The following C16orf89 variants were observed in gnomAD, a reference collection of about 807,000 sequenced individuals.
C16orf89 encodes UPF0764 protein C16orf89.
A neutral mutation model predicts 41.5 loss-of-function variants in C16orf89; 57 were observed. That is an observed-to-expected ratio of 1.38 (90% confidence interval 1.11 to 1.71). The LOEUF is 1.71. Ranked by LOEUF, C16orf89 falls within the 40% of genes most tolerant of loss-of-function variation. The pLI is 0.00. For missense variants in C16orf89, 575 were observed against 445.9 expected, an observed-to-expected ratio of 1.29 and a Z score of -2.61; for synonymous variants, 223 against 190.6, an observed-to-expected ratio of 1.17 and a Z score of -1.40.
chr16:5,045,559 A>T (rs1176741518), intron 7 of C16orf89, among the ~76,000 whole-genome samples: 1 of 151,952 alleles, frequency 6.6e-6, no homozygotes, highest in East Asian at 1.9e-4. Flanking sequence ...AGGGAGGGAG[A>T]ATGCAGATTT....
chr16:5,055,604 G>A, intron 5 of C16orf89: 1 of 1,373,080 alleles, frequency 7.3e-7, no homozygotes, highest in Non-Finnish European at 9.9e-7. Context: ...GGAGGAGTTT[G>A]GACACCCCAG....
downstream of C16orf89, chr16:5,043,524 G>C (rs1017529433): frequency 6.6e-6 from 1 of 152,178 alleles, no homozygotes; most frequent in Non-Finnish European, 1.5e-5. Context: ...TGACATGATG[G>C]CCATGTGATG....
chr16:5,062,340 C>A, intron 2 of C16orf89, 85 bp downstream of exon 2: 3 of 1,461,232 alleles, frequency 2.1e-6, no homozygotes, highest in East Asian at 4.7e-5. Context: ...CAGCCTTGCC[C>A]CAGGAGAGCC....
chr16:5,055,119 A>C lies in C16orf89; in HGVS notation c.868+127T>G, dbSNP rs185764195. ...TGTGTGTACACGTCTGTGTGTGTGC[A>C]CCTGTAGGTTACAAATCCCTTGGCA... is the stretch of plus-strand genomic sequence containing the variant. On this transcript the variant is annotated intron_variant, in intron 6 of 7. Transcript: ENST00000472572. The C allele has an allele frequency of 1.8e-5, 14 of 793,650 alleles. No homozygotes were observed. The Admixed American group carries it at 3.6e-4, about 21-fold the overall frequency. The allele number at this position is 793,650 out of a possible 1,614,324, so 49.2% of individuals were successfully genotyped here.
chr16:5,055,676 C>G, intron 5 of C16orf89: 2 of 1,534,140 alleles, frequency 1.3e-6, no homozygotes, highest in Non-Finnish European at 1.7e-6. Context: ...GTGGGTCTGT[C>G]TGCCAGTCAC....
intron 5 of C16orf89, chr16:5,055,645 C>G (rs1956482850): frequency 2.7e-6 from 4 of 1,503,244 alleles, no homozygotes; most frequent in Non-Finnish European, 3.6e-6. Flanking sequence ...CGCTCCCTGT[C>G]TGCCTCATCC....
intron 6 of C16orf89, among the ~76,000 whole-genome samples, chr16:5,053,883 C>G (rs1200237142): frequency 1.3e-5 from 2 of 152,162 alleles, no homozygotes; most frequent in Admixed American, 6.5e-5. Context: ...ATGTTCCCAA[C>G]ACAAAGAAAT....
chr16:5,062,530 G>C lies in C16orf89; in HGVS notation c.253C>G (p.Leu85Val). The C allele has an allele frequency of 1.2e-6, 2 of 1,613,828 alleles. No homozygotes were observed. The highest frequency in any genetic ancestry group is 1.7e-6 in the Non-Finnish European group (2 of 1,179,810). Residue 85 changes from leucine (L) to valine (V), a missense_variant, in exon 2 of 8, where the codon CTG (leucine) becomes GTG (valine). Leu to Val is a conservative substitution (Grantham distance 32). Transcript: ENST00000472572. Reference sequence around the variant, plus strand: ...CCCACGCGCAGGCTCAGCGGCTGCAGCAGGGGCTCCTGGGCCCACTTCTCC... The same window carrying C: ...CCCACGCGCAGGCTCAGCGGCTGCACCAGGGGCTCCTGGGCCCACTTCTCC... ...VREKWAQEPL[L>V]QPLSLRVGML...
intron 6 of C16orf89, among the ~76,000 whole-genome samples, chr16:5,053,380 GA>G (rs1956432866): frequency 6.6e-6 from 1 of 151,706 alleles, no homozygotes; most frequent in Admixed American, 6.6e-5. Context: ...TAAAAAAAAA[GA>G]AGTGGAGTGT....
intron 6 of C16orf89, among the ~76,000 whole-genome samples, chr16:5,050,029 A>G (rs1289393804): frequency 6.6e-6 from 1 of 152,218 alleles, no homozygotes; most frequent in African/African-American, 2.4e-5. Context: ...TACCACTGAA[A>G]TACAAAGGAT....
chr16:5,043,691 A>T (rs1054007478), downstream of C16orf89: 4 of 152,224 alleles, frequency 2.6e-5, no homozygotes, highest in African/African-American at 9.7e-5. Flanking sequence ...TGGTACCTGA[A>T]CAAATAGCCT....
At chr16:5,047,816 C>T in intron 7 of C16orf89, 62 bp downstream of exon 7, 1 of 936,336 alleles carries the variant, frequency 1.1e-6, no homozygotes, top group South Asian at 1.3e-5. Flanking sequence ...TAAACACAGG[C>T]CTCTGTTTTG....
At position 5,058,612 on chromosome 16, in the gene C16orf89, T is replaced by A; in HGVS notation, c.510-2A>T. 1 of 1,604,994 alleles carries A rather than the reference T, an allele frequency of 6.2e-7. No individual in the cohort carries two copies. The highest frequency in any genetic ancestry group is 1.3e-5 in the African/African-American group (1 of 74,834). On this transcript the variant is annotated splice_acceptor_variant, in intron 3 of 7. Transcript: ENST00000472572. LOFTEE classifies it high-confidence loss of function. The stretch of plus-strand genomic sequence containing the variant: ...CCGCAGGGCTCGCTGCTGTCCGTCC[T>A]GGGGGAAAGTGGTTCCAAGCTGTTA...
At chr16:5,054,228 T>C (rs1027452357) in intron 6 of C16orf89, among the ~76,000 whole-genome samples, 1 of 152,210 alleles carries the variant, frequency 6.6e-6, no homozygotes, top group Non-Finnish European at 1.5e-5. Flanking sequence ...ATGTATTACG[T>C]TGACTCTCCT....
At chr16:5,056,000 T>TGTGTGTGTGTGTGTGTGTGG in intron 5 of C16orf89, 53 bp downstream of exon 5, 1 of 1,103,320 alleles carries the variant, frequency 9.1e-7, no homozygotes, top group East Asian at 3.0e-5. Context: ...TGTGTGTGTG[T>TGTGTGTGTGTGTGTGTGTGG]TGGTGGGGGG....
At chr16:5,061,875 A>G (rs1458514969) in intron 2 of C16orf89, among the ~76,000 whole-genome samples, 2 of 152,120 alleles carry the variant, frequency 1.3e-5, no homozygotes, top group East Asian at 3.9e-4. Context: ...GGAACAACTC[A>G]GCCAAACTTA....
At chr16:5,055,428 G>T in intron 5 of C16orf89, 78 bp from the exon 6 acceptor site, 1 of 1,312,792 alleles carries the variant, frequency 7.6e-7, no homozygotes, top group Non-Finnish European at 1.1e-6. Context: ...CTGCCACGGT[G>T]CCACCTGCCT....
Position 5,055,210 on chromosome 16 carries a change from GC to G in C16orf89, c.868+35del, listed in dbSNP as rs751868347. 1.7e-5 allele frequency: 26 copies of G among 1,512,628 alleles called. No individual in the cohort carries two copies. In the African/African-American group the frequency reaches 3.5e-4, roughly 20 times the overall value. The allele number at this position is 1,512,628 out of a possible 1,614,324, so 93.7% of individuals were successfully genotyped here. On this transcript the variant is annotated intron_variant, in intron 6 of 7. Transcript: ENST00000472572. The stretch of plus-strand genomic sequence containing the variant: ...ACTCAGAGCCACCCCCACCCCCACT[GC>G]CCCCCTTCTTAGCCAGGGCAGCAGC...
chr16:5,045,263 C>T (rs1399027376), intron 7 of C16orf89, among the ~76,000 whole-genome samples: 1 of 152,250 alleles, frequency 6.6e-6, no homozygotes, highest in African/African-American at 2.4e-5. Flanking sequence ...AGCTGAGCCC[C>T]TGGCCCTGGT....
Sources: allele counts gnomAD v4.1 joint callset (sites outside exome capture counted in the v4.1 genomes callset), GRCh38; gene constraint gnomAD v4.1.1; transcripts MANE v1.5; gene names NCBI Gene and HGNC (gene_info 2026-07-23, HGNC 2026-07-21).